Variants in ERBB3 observed in about 807,000 individuals in gnomAD.
ERBB3 encodes receptor tyrosine-protein kinase erbB-3.
Under a neutral mutation model 156.7 loss-of-function variants are expected in ERBB3, and 96 were observed. That is an observed-to-expected ratio of 0.61 (90% CI 0.52 to 0.73). ERBB3 has a LOEUF of 0.73. Ranked by LOEUF, ERBB3 falls within the 30% of genes least tolerant of loss-of-function variation. The pLI is 0.00. For missense variants in ERBB3, 1,406 were observed against 1,709.4 expected (o/e 0.82, Z 3.13); for synonymous variants, 567 against 632.0 (o/e 0.90, Z 1.54).
intron 17 of ERBB3, 181 bp from the exon 18 acceptor site, chr12:56,096,322 T>C: frequency 1.4e-6 from 1 of 713,002 alleles, no homozygotes; most frequent in Non-Finnish European, 2.4e-6. Context: ...TGAGCACAAA[T>C]AACTTCCTCA....
rs202222293 is a variant in ERBB3, at chr12:56,083,070, A to AC, written c.83-674dup. 2.2e-3 allele frequency among the ~76,000 whole-genome samples: 338 copies of AC among 151,348 alleles called. 2 individuals are homozygous for AC. Among genetic ancestry groups the AC allele is most frequent in the East Asian group, 0.02 (101 of 5,136 alleles). ...AGCTTTAAAGACAAAGCTCCCATTG[A>AC]CCCCCCCTCACCCCAGCACTGCCAG... On this transcript the variant is annotated intron_variant, in intron 1 of 27. Transcript: ENST00000267101.
At chr12:56,091,991 T>C (rs1191716656) in intron 9 of ERBB3, among the ~76,000 whole-genome samples, 2 of 151,684 alleles carry the variant, frequency 1.3e-5, no homozygotes, top group African/African-American at 2.4e-5. Context: ...GGAAAATTGC[T>C]TGGGCCCAGG....
At chr12:56,093,185 C>A in intron 11 of ERBB3, 109 bp downstream of exon 11, 1 of 1,166,878 alleles carries the variant, frequency 8.6e-7, no homozygotes, top group Non-Finnish European at 1.3e-6. Flanking sequence ...GCCTCAAAAC[C>A]AAAGGGTTTC....
chr12:56,099,025 C>G, intron 23 of ERBB3, 120 bp downstream of exon 23: 2 of 913,078 alleles, frequency 2.2e-6, no homozygotes, highest in Non-Finnish European at 3.3e-6. Flanking sequence ...TGCAATCAAT[C>G]TTGGCTCACT....
At position 56,102,827 on chromosome 12, in the gene ERBB3, A is replaced by AAAC. The variant is rs1869165491; in HGVS notation, c.*774_*775insCAA. ...TCTTTAAAAAAAAAAAAAAAAAAAA[A>AAAC]AAAAAAACTTTAGAACTGGGTGCAG... On this transcript the variant is annotated 3_prime_UTR_variant, in exon 28 of 28. Coordinates refer to ENST00000267101, the MANE Select transcript of ERBB3 (RefSeq NM_001982.4). The AAAC allele has an allele frequency of 2.3e-5, 5 of 214,960 alleles. No individual in the cohort carries two copies. Among genetic ancestry groups the AAAC allele is most frequent in the Non-Finnish European group, 3.7e-5 (4 of 107,072 alleles). 13.3% of individuals were successfully genotyped at this position (214,960 alleles called of 1,614,324 possible). A position where few individuals can be genotyped will look rare whatever the true frequency, so the allele number is the denominator to read the frequency against.
rs1480617709 is a variant in ERBB3, at chr12:56,093,347, G to C, written c.1277G>C (p.Arg426Pro). ...TTIGGRSLYNRGFSLLIMKNL... is the reference protein window; with the variant it reads ...TTIGGRSLYNPGFSLLIMKNL... ...TCATCCTGTCTCCTTATTCTCAGCCGGGGCTTCTCATTGTTGATCATGAAG... is the reference window on the plus strand; with the variant it reads ...TCATCCTGTCTCCTTATTCTCAGCCCGGGCTTCTCATTGTTGATCATGAAG... The change falls in exon 12 of 28, where the codon CGG becomes CCG. Residue 426 changes from arginine (R) to proline (P), a missense_variant and splice_region_variant. Arg to Pro is a moderately radical substitution (Grantham distance 103). Around this residue, in one of 3 missense-constraint regions of ERBB3, gnomAD observed 979 missense variants for 1,219.6 expected, o/e 0.80. Coordinates refer to ENST00000267101, the MANE Select transcript of ERBB3 (RefSeq NM_001982.4). 1 of 1,612,666 alleles carries C rather than the reference G, an allele frequency of 6.2e-7. No individual in the cohort carries two copies. The highest frequency in any genetic ancestry group is 1.7e-5 in the Admixed American group (1 of 59,966).
At chr12:56,089,327 C>T (rs565287254) in intron 9 of ERBB3, among the ~76,000 whole-genome samples, 32 of 151,926 alleles carry the variant, frequency 2.1e-4, no homozygotes, top group Non-Finnish European at 3.7e-4. Flanking sequence ...TGCTATGTTG[C>T]CCAGGCTGAT....
intron 26 of ERBB3, 49 bp from the exon 27 acceptor site, chr12:56,101,012 T>G (rs1325182234): frequency 7.3e-7 from 1 of 1,369,168 alleles, no homozygotes; most frequent in Non-Finnish European, 1.0e-6. Flanking sequence ...TCTTCTTTCC[T>G]CATCATGTAA....
chr12:56,092,681 T>G, intron 9 of ERBB3, 66 bp from the exon 10 acceptor site: 1 of 1,075,646 alleles, frequency 9.3e-7, no homozygotes, highest in Non-Finnish European at 1.5e-6. Flanking sequence ...ATGCTGAGGC[T>G]GGGTGTGCTC....
intron 26 of ERBB3, 200 bp downstream of exon 26, chr12:56,100,445 C>T (rs768047760): frequency 9.3e-5 from 56 of 600,804 alleles, no homozygotes; most frequent in Non-Finnish European, 1.5e-4. Flanking sequence ...AGTTTGAGAC[C>T]AGCCTGGCCA....
intron 3 of ERBB3, 117 bp from the exon 4 acceptor site, chr12:56,086,414 T>C: frequency 8.1e-7 from 1 of 1,228,836 alleles, no homozygotes; most frequent in Non-Finnish European, 1.2e-6. Context: ...ATTGGACCTA[T>C]CTGTCTGCCT....
chr12:56,081,281 G>T (rs776401513), intron 1 of ERBB3, among the ~76,000 whole-genome samples: 2 of 152,116 alleles, frequency 1.3e-5, no homozygotes, highest in Non-Finnish European at 2.9e-5. Context: ...ACAGAGCCCC[G>T]GATTGCTCTT....
intron 1 of ERBB3, among the ~76,000 whole-genome samples, chr12:56,081,534 C>T (rs937422218): frequency 6.6e-6 from 1 of 152,178 alleles, no homozygotes; most frequent in Non-Finnish European, 1.5e-5. Context: ...ACACTCCCAG[C>T]TGGTGGAGGG....
intron 21 of ERBB3, chr12:56,098,163 G>A (rs555074566): frequency 2.3e-5 from 13 of 577,374 alleles, no homozygotes; most frequent in East Asian, 6.0e-5. Flanking sequence ...CCAACACTTC[G>A]GGAGGCCAAG....
At position 56,092,770 on chromosome 12, in the gene ERBB3, C is replaced by T. The variant is rs1868756692; in HGVS notation, c.1133C>T (p.Ala378Val). 1 of 1,614,086 alleles carries T rather than the reference C, an allele frequency of 6.2e-7. No homozygotes were observed. The highest frequency in any genetic ancestry group is 2.2e-5 in the East Asian group (1 of 44,884). Residue 378 changes from alanine (A) to valine (V), a missense_variant, in exon 10 of 28, where the codon GCC becomes GTC. This residue lies in a region of ERBB3 where 979 missense variants were observed against 1,219.6 expected (regional missense o/e 0.80). Coordinates refer to ENST00000267101, the MANE Select transcript of ERBB3 (RefSeq NM_001982.4). Reference protein sequence around the residue: ...LNGDPWHKIPALDPEKLNVFR... With the variant: ...LNGDPWHKIPVLDPEKLNVFR... ...AGAGACCCCTGGCACAAGATCCCTG[C>T]CCTGGACCCAGAGAAGCTCAATGTC...
Position 56,103,126 on chromosome 12 carries a change from T to A in ERBB3, c.*1071T>A. 4.3e-6 allele frequency: 1 copy of A among 231,064 alleles called. No individual in the cohort carries two copies. The highest frequency in any genetic ancestry group is 6.2e-5 in the East Asian group (1 of 16,216). 14.3% of individuals were successfully genotyped at this position (231,064 alleles called of 1,614,324 possible). ...CCCTTGTTTAAGGGGCACTGTTTCT[T>A]GTTTTTGCACTGAATCAAGTCTAAC... On this transcript the variant is annotated 3_prime_UTR_variant, in exon 28 of 28. Coordinates refer to ENST00000267101, the MANE Select transcript of ERBB3 (RefSeq NM_001982.4).
Position 56,094,430 on chromosome 12 carries a change from A to G in ERBB3, c.1733A>G (p.His578Arg), listed in dbSNP as rs2136812851. 2 of 1,614,020 alleles carry G rather than the reference A, an allele frequency of 1.2e-6. No homozygotes were observed. The change falls in exon 15 of 28, where the codon CAT becomes CGT. Residue 578 changes from histidine (H) to arginine (R), a missense_variant. His to Arg is a conservative substitution (Grantham distance 29, BLOSUM62 0). This residue lies in a region of ERBB3 where 979 missense variants were observed against 1,219.6 expected (regional missense o/e 0.80). Coordinates refer to ENST00000267101, the MANE Select transcript of ERBB3 (RefSeq NM_001982.4). The stretch of plus-strand genomic sequence containing the variant: ...TCTGATACTTGTGCTCAATGTGCCC[A>G]TTTTCGAGATGGGCCCCACTGTGTG... ...SGSDTCAQCAHFRDGPHCVSS... is the reference protein window; with the variant it reads ...SGSDTCAQCARFRDGPHCVSS...
intron 9 of ERBB3, among the ~76,000 whole-genome samples, chr12:56,091,521 A>G (rs914757793): frequency 6.0e-5 from 9 of 149,376 alleles, no homozygotes; most frequent in Non-Finnish European, 1.0e-4. Context: ...CATTCTCTAT[A>G]GAGACAGGGT....
chr12:56,083,604 C>A, intron 1 of ERBB3, 147 bp from the exon 2 acceptor site: 3 of 821,704 alleles, frequency 3.7e-6, no homozygotes, highest in Admixed American at 3.6e-5. Flanking sequence ...TTCTGCCTAT[C>A]GCTTGTGGGA....
Sources: allele counts gnomAD v4.1 joint callset (sites outside exome capture counted in the v4.1 genomes callset), GRCh38; gene constraint gnomAD v4.1.1; regional missense constraint gnomAD v4.1.1; transcripts MANE v1.5; gene names NCBI Gene and HGNC (gene_info 2026-07-23, HGNC 2026-07-21).